Variants in PCGF6 observed in about 807,000 individuals in gnomAD.
The protein encoded by PCGF6 is polycomb group ring finger 6, also known as polycomb group RING finger protein 6.
A neutral mutation model predicts 45.5 loss-of-function variants in PCGF6; 24 were observed. The ratio of observed to expected loss-of-function variants is 0.53; its 90% CI spans 0.38 to 0.74. PCGF6 has a LOEUF of 0.74. Among genes scored for constraint, PCGF6 ranks in the 30% least tolerant of loss-of-function variants. The pLI, the probability that PCGF6 is intolerant of heterozygous loss-of-function variation, is 0.00. For missense variants in PCGF6, 356 were observed against 443.2 expected (o/e 0.80, Z 1.77); for synonymous variants, 152 against 162.1 (o/e 0.94, Z 0.47).
chr10:103,306,088 C>T (rs996615037), intron 9 of PCGF6, among the ~76,000 whole-genome samples: 5 of 150,298 alleles, frequency 3.3e-5, no homozygotes, highest in African/African-American at 9.8e-5. Flanking sequence ...AGGCTGCATC[C>T]GCAAGCAATC....
At chr10:103,329,511 CTT>C (rs1049298113) in intron 7 of PCGF6, among the ~76,000 whole-genome samples, 1 of 151,690 alleles carries the variant, frequency 6.6e-6, no homozygotes, top group African/African-American at 2.4e-5. Flanking sequence ...GAGTTTTGCT[CTT>C]GTTGCCCAGG....
chr10:103,344,925 G>T, intron 6 of PCGF6, 99 bp downstream of exon 6: 1 of 751,452 alleles, frequency 1.3e-6, no homozygotes, highest in Non-Finnish European at 2.2e-6. Flanking sequence ...ATTTTCCAAG[G>T]GGATGTCAGA....
chr10:103,313,743 T>A (rs2093165255), intron 9 of PCGF6, among the ~76,000 whole-genome samples: 1 of 152,228 alleles, frequency 6.6e-6, no homozygotes, highest in Non-Finnish European at 1.5e-5. Flanking sequence ...TAAAGCCTAA[T>A]AAGTACTTGC....
chr10:103,350,593 A>T, intron 1 of PCGF6, 114 bp downstream of exon 1: 1 of 1,114,852 alleles, frequency 9.0e-7, no homozygotes. Flanking sequence ...GGTCCGCTCC[A>T]GTGCTCCGCG....
intron 6 of PCGF6, among the ~76,000 whole-genome samples, chr10:103,342,737 C>T (rs1184259125): frequency 1.3e-5 from 2 of 152,140 alleles, no homozygotes; most frequent in Admixed American, 6.6e-5. Context: ...TTAGTGCATA[C>T]TCATGTATGG....
intron 5 of PCGF6, 132 bp from the exon 6 acceptor site, chr10:103,345,264 T>C: frequency 1.5e-6 from 1 of 651,352 alleles, no homozygotes; most frequent in South Asian, 2.1e-5. Flanking sequence ...CTCCCTGTCT[T>C]TAATGACATT....
intron 8 of PCGF6, among the ~76,000 whole-genome samples, chr10:103,321,010 C>T (rs1421467512): frequency 1.3e-5 from 2 of 152,130 alleles, no homozygotes; most frequent in African/African-American, 4.8e-5. Flanking sequence ...TAAATTTAGG[C>T]CTCAACAATT....
chr10:103,330,575 T>C (rs915640951), intron 7 of PCGF6, among the ~76,000 whole-genome samples: 2 of 152,212 alleles, frequency 1.3e-5, no homozygotes, highest in Admixed American at 1.3e-4. Flanking sequence ...GATTTTAGTA[T>C]ATCTACAAAA....
At chr10:103,316,013 T>TAGAGAGAGAGAGAGAGAGAGAG (rs5787488) in intron 8 of PCGF6, among the ~76,000 whole-genome samples, 3 of 119,500 alleles carry the variant, frequency 2.5e-5, no homozygotes, top group African/African-American at 9.7e-5. Flanking sequence ...TATATATATA[T>TAGAGAGAGAGAGAGAGAGAGAG]AGAGAGAGAG....
chr10:103,349,345 G>A (rs1011713095), intron 1 of PCGF6, among the ~76,000 whole-genome samples: 1 of 151,884 alleles, frequency 6.6e-6, no homozygotes, highest in Non-Finnish European at 1.5e-5. Context: ...ACCGCGCTCA[G>A]TCCACCTTCT....
chr10:103,335,281 T>C (rs1328420742), intron 6 of PCGF6, among the ~76,000 whole-genome samples: 3 of 151,644 alleles, frequency 2.0e-5, no homozygotes, highest in African/African-American at 7.3e-5. Flanking sequence ...CTCAAACTCC[T>C]GGCCTCAAGC....
chr10:103,304,859 T>G (rs2093132537), intron 9 of PCGF6, among the ~76,000 whole-genome samples: 1 of 152,072 alleles, frequency 6.6e-6, no homozygotes, highest in Non-Finnish European at 1.5e-5. Context: ...TTCACCGTAT[T>G]GCATAGGCTG....
rs1311416309 is a variant in PCGF6 at position 103,316,013 on chromosome 10, T to TATAG, written c.910-1742_910-1741insCTAT. On this transcript the variant is annotated intron_variant, in intron 8 of 9. Transcript: ENST00000369847. ...GTGTGTGTATATATATATATATATA[T>TATAG]AGAGAGAGAGAGAGAGAGAGAGAGA... 2.9e-3 allele frequency among the ~76,000 whole-genome samples: 350 copies of TATAG among 119,436 alleles called. 2 individuals are homozygous for TATAG. Among genetic ancestry groups the TATAG allele is most frequent in the African/African-American group, 0.011 (326 of 30,892 alleles). 78.4% of individuals were successfully genotyped at this position (119,436 alleles called of 152,430 possible).
intron 8 of PCGF6, among the ~76,000 whole-genome samples, chr10:103,324,775 C>CAAAAAAAAAAAAAAAAAAAA: frequency 1.2e-5 from 1 of 86,778 alleles, no homozygotes; most frequent in Non-Finnish European, 2.5e-5. Flanking sequence ...AAAAAAAAAC[C>CAAAAAAAAAAAAAAAAAAAA]AAAAAAAAAA....
intron 9 of PCGF6, among the ~76,000 whole-genome samples, chr10:103,313,566 A>G (rs909228328): frequency 3.3e-5 from 5 of 152,226 alleles, no homozygotes; most frequent in Non-Finnish European, 7.3e-5. Context: ...CCTTGTCTCA[A>G]AAAAATGAAT....
intron 9 of PCGF6, among the ~76,000 whole-genome samples, chr10:103,309,368 C>T (rs1220677310): frequency 6.6e-6 from 1 of 152,090 alleles, no homozygotes; most frequent in African/African-American, 2.4e-5. Context: ...TGGTAATGTC[C>T]TCACAAAAGT....
intron 8 of PCGF6, among the ~76,000 whole-genome samples, chr10:103,315,980 GTGT>G (rs879631838): frequency 0.14 from 15,166 of 107,114 alleles, 999 homozygotes; most frequent in Non-Finnish European, 0.19. Flanking sequence ...GTGTGTGTGT[GTGT>G]GTGTGTGTGT....
At chr10:103,340,656 G>T (rs1025099918) in intron 6 of PCGF6, among the ~76,000 whole-genome samples, 1 of 151,878 alleles carries the variant, frequency 6.6e-6, no homozygotes, top group Non-Finnish European at 1.5e-5. Flanking sequence ...GAATGCAGTG[G>T]TGCAATCAAA....
chr10:103,341,812 G>A (rs991649178), intron 6 of PCGF6, among the ~76,000 whole-genome samples: 1 of 152,066 alleles, frequency 6.6e-6, no homozygotes, highest in African/African-American at 2.4e-5. Context: ...CTTTTGATTA[G>A]TATGAAAACA....
Sources: gnomAD v4.1 joint callset for allele counts (sites outside exome capture counted in the v4.1 genomes callset) on GRCh38, gnomAD v4.1.1 for gene constraint, MANE v1.5 for transcripts, NCBI Gene and HGNC (gene_info 2026-07-23, HGNC 2026-07-21) for gene names.